VTI1A: variants seen among roughly 807,000 people sequenced by gnomAD.
The protein encoded by VTI1A is vesicle transport through interaction with t-SNAREs homolog 1A.
Under a neutral mutation model 34.9 loss-of-function variants are expected in VTI1A, and 22 were observed. That is an observed-to-expected ratio of 0.63 (90% CI 0.45 to 0.90). The LOEUF (loss-of-function observed/expected upper bound fraction) is 0.90, where lower values mean the gene tolerates loss of function less well. Among genes scored for constraint, VTI1A ranks in the 40% least tolerant of loss-of-function variants. The pLI, the probability that VTI1A is intolerant of heterozygous loss-of-function variation, is 0.00. For synonymous variants in VTI1A, 87 were observed against 97.3 expected (o/e 0.89, Z 0.62); for missense variants, 268 against 275.6 (o/e 0.97, Z 0.20).
chr10:112,743,404 C>G (rs543497188), intron 7 of VTI1A, among the ~76,000 whole-genome samples: 1 of 152,306 alleles, frequency 6.6e-6, no homozygotes, highest in East Asian at 1.9e-4. Context: ...GTACTCGTAA[C>G]AAAAGGATTG....
intron 4 of VTI1A, among the ~76,000 whole-genome samples, chr10:112,536,656 T>A (rs547532608): frequency 7.2e-5 from 11 of 152,102 alleles, no homozygotes; most frequent in Admixed American, 7.2e-4. Flanking sequence ...GACGACTCTA[T>A]TAATTATGAT....
chr10:112,632,604 A>G (rs1846174864), intron 5 of VTI1A, among the ~76,000 whole-genome samples: 1 of 152,230 alleles, frequency 6.6e-6, no homozygotes, highest in South Asian at 2.1e-4. Flanking sequence ...GGATTCACAT[A>G]CCAGCTCATC....
intron 7 of VTI1A, among the ~76,000 whole-genome samples, chr10:112,703,598 A>T (rs1031729216): frequency 9.9e-5 from 15 of 152,176 alleles, no homozygotes; most frequent in Non-Finnish European, 1.9e-4. Flanking sequence ...TTGGAATATG[A>T]TGCATTATAT....
chr10:112,676,786 AAT>A (rs2133851632), intron 7 of VTI1A, among the ~76,000 whole-genome samples: 1 of 152,304 alleles, frequency 6.6e-6, no homozygotes, highest in Non-Finnish European at 1.5e-5. Context: ...ACTGGCCATA[AAT>A]ATATCAACTC....
intron 1 of VTI1A, chr10:112,449,794 T>C (rs994512409): frequency 6.6e-6 from 1 of 152,178 alleles, no homozygotes; most frequent in African/African-American, 2.4e-5. Context: ...TTTCCTTAGC[T>C]GTAGTATTAT....
At chr10:112,675,616 TAAC>T (rs1176681406) in intron 7 of VTI1A, among the ~76,000 whole-genome samples, 1 of 152,208 alleles carries the variant, frequency 6.6e-6, no homozygotes, top group East Asian at 1.9e-4. Flanking sequence ...AACCGAGAAA[TAAC>T]AACACCGTGC....
At chr10:112,460,615 AG>A in intron 2 of VTI1A, 33 bp downstream of exon 2, 1 of 1,537,098 alleles carries the variant, frequency 6.5e-7, no homozygotes, top group Non-Finnish European at 8.8e-7. Flanking sequence ...TTTAACACAC[AG>A]CCAGAGCCGT....
At chr10:112,644,238 C>T (rs572190331) in intron 5 of VTI1A, among the ~76,000 whole-genome samples, 29 of 152,248 alleles carry the variant, frequency 1.9e-4, no homozygotes, top group Non-Finnish European at 4.0e-4. Flanking sequence ...AGTTTCCCCA[C>T]ACAGAGAAAA....
At chr10:112,506,545 T>A (rs1849436525) in intron 3 of VTI1A, among the ~76,000 whole-genome samples, 1 of 152,214 alleles carries the variant, frequency 6.6e-6, no homozygotes. Context: ...ACTTCCTGGA[T>A]AATGTAGACG....
At chr10:112,609,195 T>C (rs1845200250) in intron 5 of VTI1A, among the ~76,000 whole-genome samples, 2 of 152,152 alleles carry the variant, frequency 1.3e-5, no homozygotes, top group Admixed American at 1.3e-4. Context: ...GCATATGCTT[T>C]GGGAAAGGAT....
intron 5 of VTI1A, among the ~76,000 whole-genome samples, chr10:112,664,335 T>C (rs1322798325): frequency 6.6e-6 from 1 of 152,172 alleles, no homozygotes; most frequent in Admixed American, 6.6e-5. Flanking sequence ...CAGTCCTAAC[T>C]TCTTATAGAG....
intron 5 of VTI1A, among the ~76,000 whole-genome samples, chr10:112,613,242 G>A (rs1351666988): frequency 8.6e-5 from 13 of 151,888 alleles, no homozygotes; most frequent in Non-Finnish European, 1.6e-4. Context: ...AAAAAAGTTG[G>A]TCTTTTTAAA....
chr10:112,813,652 G>C (rs1346242256), intron 7 of VTI1A, among the ~76,000 whole-genome samples: 1 of 152,212 alleles, frequency 6.6e-6, no homozygotes, highest in African/African-American at 2.4e-5. Context: ...ACTATCATAA[G>C]CCATGAAGTC....
At chr10:112,778,368 C>A (rs1296005025) in intron 7 of VTI1A, among the ~76,000 whole-genome samples, 1 of 152,170 alleles carries the variant, frequency 6.6e-6, no homozygotes, top group Admixed American at 6.5e-5. Flanking sequence ...CATTGTTACC[C>A]CACTTGTCCC....
At chr10:112,515,880 C>T (rs1048801759) in intron 3 of VTI1A, among the ~76,000 whole-genome samples, 2 of 151,972 alleles carry the variant, frequency 1.3e-5, no homozygotes, top group African/African-American at 4.8e-5. Flanking sequence ...TCCTATAGCA[C>T]CCACATACAA....
At chr10:112,511,381 C>T (rs1849603847) in intron 3 of VTI1A, among the ~76,000 whole-genome samples, 1 of 151,742 alleles carries the variant, frequency 6.6e-6, no homozygotes, top group South Asian at 2.1e-4. Context: ...GTAGCTGGGA[C>T]TACAGGCGTG....
chr10:112,486,994 C>T, intron 3 of VTI1A, among the ~76,000 whole-genome samples: 1 of 152,078 alleles, frequency 6.6e-6, no homozygotes, highest in Non-Finnish European at 1.5e-5. Context: ...GATACTATCA[C>T]TATTTAATAG....
chr10:112,811,820 G>A lies in VTI1A; in HGVS notation c.561-3470G>A, dbSNP rs115825381. Among the ~76,000 whole-genome samples the A allele has an allele frequency of 6.9e-3, 1,049 of 151,670 alleles. 15 individuals are homozygous for A. Among genetic ancestry groups the A allele is most frequent in the African/African-American group, 0.025 (1,020 of 41,286 alleles). ...TCCTCGAGCAAGAGCAGAGAACTGT[G>A]CCAGGTGCAGTGCCGCGCCTGTCCC... On this transcript the variant is annotated intron_variant, in intron 7 of 7. Transcript: ENST00000393077.
chr10:112,767,078 G>A lies in VTI1A; in HGVS notation c.561-48212G>A, dbSNP rs1851672698. Among the ~76,000 whole-genome samples the A allele has an allele frequency of 6.6e-6, 1 of 152,178 alleles. No homozygotes were observed. The highest frequency in any genetic ancestry group is 2.1e-4 in the South Asian group (1 of 4,830). ...ATGTGAGTTTTTATTCTTTAAAAGG[G>A]AAATGATTTCATCAGCTTCCCAATC... On this transcript the variant is annotated intron_variant, in intron 7 of 7. Transcript: ENST00000393077. The surrounding 1 kb of genome is among the most constrained non-coding windows in gnomAD (Gnocchi z 4.0).
Sources: allele counts gnomAD v4.1 joint callset (sites outside exome capture counted in the v4.1 genomes callset), GRCh38; gene constraint gnomAD v4.1.1; non-coding constraint Gnocchi (gnomAD v3.1); transcripts MANE v1.5; gene names NCBI Gene and HGNC (gene_info 2026-07-23, HGNC 2026-07-21).